The following MAST4 variants were observed in gnomAD, a reference collection of about 807,000 sequenced individuals.
MAST4 encodes microtubule-associated serine/threonine-protein kinase 4.
MAST4 carries 89 observed loss-of-function variants against 162.7 expected under a neutral mutation model. That is an observed-to-expected ratio of 0.55 (90% CI 0.46 to 0.65). The LOEUF (loss-of-function observed/expected upper bound fraction) is 0.65. Ranked by LOEUF, MAST4 falls within the 30% of genes least tolerant of loss-of-function variation. The pLI, the probability that MAST4 is intolerant of heterozygous loss-of-function variation, is 0.00. For synonymous variants in MAST4, 1,479 were observed against 1,361.1 expected (o/e 1.09, Z -1.91); for missense variants, 3,153 against 3,374.0 (o/e 0.93, Z 1.62).
chr5:67,145,478 T>A, intron 23 of MAST4, 99 bp downstream of exon 23: 1 of 882,844 alleles, frequency 1.1e-6, no homozygotes, highest in Non-Finnish European at 1.8e-6. Context: ...TAAAGATGGG[T>A]GTTTTATGCT....
At chr5:66,962,000 G>C (rs976315559) in intron 4 of MAST4, among the ~76,000 whole-genome samples, 1 of 152,170 alleles carries the variant, frequency 6.6e-6, no homozygotes, top group Non-Finnish European at 1.5e-5. Flanking sequence ...TTTTTAATTA[G>C]AGCATTTGAG....
chr5:67,138,774 G>A (rs1331044710), intron 19 of MAST4, among the ~76,000 whole-genome samples: 1 of 152,144 alleles, frequency 6.6e-6, no homozygotes, highest in African/African-American at 2.4e-5. Context: ...GAGGTCAGGT[G>A]TGGAATTTTC....
intron 4 of MAST4, among the ~76,000 whole-genome samples, chr5:67,046,584 A>G (rs1448288490): frequency 6.6e-6 from 1 of 152,226 alleles, no homozygotes; most frequent in Admixed American, 6.5e-5. Context: ...AATACTTGTT[A>G]TATTGGATAG....
chr5:66,677,218 G>A (rs1748005753), intron 1 of MAST4, among the ~76,000 whole-genome samples: 1 of 152,194 alleles, frequency 6.6e-6, no homozygotes, highest in Non-Finnish European at 1.5e-5. Flanking sequence ...AGTATTTATT[G>A]AGAGAGATTA....
chr5:66,835,887 G>T (rs747290707), intron 3 of MAST4, among the ~76,000 whole-genome samples: 1 of 152,092 alleles, frequency 6.6e-6, no homozygotes, highest in Non-Finnish European at 1.5e-5. Flanking sequence ...TCATGCTTTT[G>T]GGATGGGTGC....
At chr5:66,993,892 A>G (rs1750309878) in intron 4 of MAST4, among the ~76,000 whole-genome samples, 1 of 149,398 alleles carries the variant, frequency 6.7e-6, no homozygotes, top group African/African-American at 2.4e-5. Context: ...GTACTTCCAG[A>G]ATTATAGAAT....
At chr5:66,756,926 T>C (rs1337669825) in intron 1 of MAST4, among the ~76,000 whole-genome samples, 1 of 152,204 alleles carries the variant, frequency 6.6e-6, no homozygotes, top group Non-Finnish European at 1.5e-5. Context: ...AGATTTAAAA[T>C]AATACTCCCT....
chr5:67,113,983 C>A, intron 11 of MAST4, 104 bp from the exon 12 acceptor site: 2 of 1,278,976 alleles, frequency 1.6e-6, no homozygotes, highest in Non-Finnish European at 2.2e-6. Flanking sequence ...AAGTAACTTA[C>A]AGCCATGTAT....
intron 11 of MAST4, among the ~76,000 whole-genome samples, chr5:67,111,191 A>C (rs1473567616): frequency 6.6e-6 from 1 of 152,182 alleles, no homozygotes; most frequent in Non-Finnish European, 1.5e-5. Context: ...GTAATATAGC[A>C]TCAAAACTCA....
At chr5:67,116,680 G>T (rs895722773) in intron 12 of MAST4, among the ~76,000 whole-genome samples, 3 of 151,860 alleles carry the variant, frequency 2.0e-5, no homozygotes, top group Admixed American at 1.3e-4. Context: ...GCTGGGCATG[G>T]TGGCACACAC....
intron 1 of MAST4, among the ~76,000 whole-genome samples, chr5:66,719,794 A>G (rs1751081792): frequency 2.0e-5 from 3 of 152,218 alleles, no homozygotes; most frequent in Admixed American, 2.0e-4. Flanking sequence ...ACAAAATGCA[A>G]TTAAACCAGA....
chr5:66,597,131 G>T, intron 1 of MAST4, 113 bp downstream of exon 1: 1 of 1,228,720 alleles, frequency 8.1e-7, no homozygotes, highest in South Asian at 3.3e-5. Flanking sequence ...AGATAGGGAG[G>T]GACCCCAAGC....
intron 4 of MAST4, among the ~76,000 whole-genome samples, chr5:66,950,832 A>G (rs758993056): frequency 6.6e-6 from 1 of 151,916 alleles, no homozygotes; most frequent in Non-Finnish European, 1.5e-5. Flanking sequence ...TGGTAATTCT[A>G]TGTTTAAGTT....
intron 1 of MAST4, among the ~76,000 whole-genome samples, chr5:66,628,478 G>T (rs1164855189): frequency 6.6e-6 from 1 of 151,634 alleles, no homozygotes. Context: ...TTCATCTAAC[G>T]CACTCAGGCT....
At chr5:66,667,138 G>C (rs187860998) in intron 1 of MAST4, among the ~76,000 whole-genome samples, 2 of 150,586 alleles carry the variant, frequency 1.3e-5, no homozygotes, top group East Asian at 3.9e-4. Flanking sequence ...GTGTATGCCT[G>C]TCTTGCATAA....
At chr5:66,940,674 T>C (rs74640889) in intron 4 of MAST4, among the ~76,000 whole-genome samples, 2,200 of 152,300 alleles carry the variant, frequency 0.014, 23 homozygotes, top group Middle Eastern at 0.024. Flanking sequence ...CCTTTTTTCA[T>C]TGAAGTCTTG....
chr5:67,027,056 A>G (rs960949526), intron 4 of MAST4, among the ~76,000 whole-genome samples: 4 of 151,942 alleles, frequency 2.6e-5, no homozygotes, highest in Non-Finnish European at 2.9e-5. Flanking sequence ...TCAAGAACAC[A>G]TGTTTATATA....
chr5:67,081,336 T>C (rs1324005740), intron 5 of MAST4, among the ~76,000 whole-genome samples: 3 of 151,712 alleles, frequency 2.0e-5, no homozygotes, highest in African/African-American at 7.3e-5. Flanking sequence ...TGGTATGATA[T>C]ACTATTTGTT....
At chr5:66,831,859 A>G (rs548447253) in intron 3 of MAST4, among the ~76,000 whole-genome samples, 10 of 152,194 alleles carry the variant, frequency 6.6e-5, no homozygotes, top group Non-Finnish European at 1.5e-4. Flanking sequence ...CCGACCTTGT[A>G]CTTTGGGCAA....
Sources: allele counts gnomAD v4.1 joint callset (sites outside exome capture counted in the v4.1 genomes callset), GRCh38; gene constraint gnomAD v4.1.1; transcripts MANE v1.5; gene names NCBI Gene and HGNC (gene_info 2026-07-23, HGNC 2026-07-21).